SH2D5: variants seen among roughly 807,000 people sequenced by gnomAD.
SH2D5 encodes the protein SH2 domain-containing protein 5.
Under a neutral mutation model 48.2 loss-of-function variants are expected in SH2D5, and 45 were observed. That is an observed-to-expected ratio of 0.93 (90% confidence interval 0.73 to 1.20). The LOEUF (loss-of-function observed/expected upper bound fraction) is 1.20, where lower values mean the gene tolerates loss of function less well. Ranked by LOEUF, SH2D5 falls within the 50% of genes most tolerant of loss-of-function variation. The pLI is 0.00. For synonymous variants in SH2D5, 230 were observed against 249.8 expected (o/e 0.92, Z 0.75); for missense variants, 538 against 584.1 (o/e 0.92, Z 0.81).
chr1:20,725,120 A>G (rs1237813596), intron 5 of SH2D5, among the ~76,000 whole-genome samples: 13 of 152,210 alleles, frequency 8.5e-5, no homozygotes, highest in Admixed American at 8.5e-4. Flanking sequence ...TTGAGGAGTC[A>G]GTGAAATAGA....
In SH2D5 at chr1:20,728,075, C is replaced by T. The variant is rs910061789; in HGVS notation, c.-31G>A. On this transcript the variant is annotated 5_prime_UTR_variant, in exon 2 of 10. In the 5' UTR this introduces an upstream ATG that the reference lacks. Transcript: ENST00000444387. This position sits in a 1 kb window ranked among gnomAD's most constrained non-coding sequence, Gnocchi z 4.3. ...CCAGGGTGCCTGGCTTCCAGCTCCA[C>T]GGGAGGGGAGGCTGCAAAGGGCAGG... The T allele has an allele frequency of 9.5e-6, 14 of 1,479,582 alleles. No individual in the cohort carries two copies. Among genetic ancestry groups the T allele is most frequent in the Middle Eastern group, 1.8e-4 (1 of 5,508 alleles). The allele number at this position is 1,479,582 out of a possible 1,614,324, so 91.7% of individuals were successfully genotyped here.
intron 1 of SH2D5, among the ~76,000 whole-genome samples, chr1:20,731,784 C>G (rs990162986): frequency 2.0e-5 from 3 of 152,224 alleles, no homozygotes; most frequent in African/African-American, 7.2e-5. Context: ...GCTGCGCTAC[C>G]TCGCTCGGGG....
intron 4 of SH2D5, among the ~76,000 whole-genome samples, chr1:20,726,699 G>A (rs963792951): frequency 2.0e-5 from 3 of 152,148 alleles, no homozygotes; most frequent in Admixed American, 2.0e-4. Context: ...CAGCCAGGGC[G>A]GGGCAGGGCA....
Position 20,729,345 on chromosome 1 carries a change from C to T in SH2D5, c.-42-1259G>A, listed in dbSNP as rs2154538693. ...TGGCTTCACTCACCAGCCTGCTTGT[C>T]ATCACTGACTTGGGATCAGAGAGTC... On this transcript the variant is annotated intron_variant, in intron 1 of 9. Transcript: ENST00000444387. This position sits in a 1 kb window ranked among gnomAD's most constrained non-coding sequence, Gnocchi z 4.2. Among the ~76,000 whole-genome samples the T allele has an allele frequency of 6.6e-6, 1 of 152,352 alleles. No homozygotes were observed. The highest frequency in any genetic ancestry group is 2.1e-4 in the South Asian group (1 of 4,834).
intron 1 of SH2D5, chr1:20,730,996 G>C (rs1374966379): frequency 1.3e-5 from 2 of 152,412 alleles, no homozygotes; most frequent in African/African-American, 4.8e-5. Context: ...TGGCTCAGAG[G>C]AGTGAAGTCA....
chr1:20,723,504 G>A (rs776927378), intron 8 of SH2D5, 122 bp downstream of exon 8: 3 of 692,244 alleles, frequency 4.3e-6, no homozygotes, highest in Non-Finnish European at 7.4e-6. Context: ...CAGGCCTGAG[G>A]TCACTGAGGT....
rs1036238873 is a variant in SH2D5 at position 20,729,842 on chromosome 1, GA to G, written c.-42-1757del. Among the ~76,000 whole-genome samples, 6 of 152,098 alleles carry G rather than the reference GA, an allele frequency of 3.9e-5. No homozygotes were observed. The highest frequency in any genetic ancestry group is 2.6e-4 in the Admixed American group (4 of 15,264). Reference sequence around the variant, plus strand: ...ACTTTCAGTGAGCAGCCAGGAGCCAGAAAAAAAATGCTGCACCTGCACCATC... The same window carrying G: ...ACTTTCAGTGAGCAGCCAGGAGCCAGAAAAAAATGCTGCACCTGCACCATC... On this transcript the variant is annotated intron_variant, in intron 1 of 9. Coordinates refer to ENST00000444387, the MANE Select transcript of SH2D5 (RefSeq NM_001103161.2). The surrounding 1 kb of genome is among the most constrained non-coding windows in gnomAD (Gnocchi z 4.2).
chr1:20,728,037 T>A lies in SH2D5; in HGVS notation c.8A>T (p.Lys3Met). 6.5e-7 allele frequency: 1 copy of A among 1,546,904 alleles called. No homozygotes were observed. Among genetic ancestry groups the A allele is most frequent in the South Asian group, 1.2e-5 (1 of 84,156 alleles). ...GGCCCTGCGGCCCCCAGCCCCCGCC[T>A]TCTGCATGGCCCCCAGGGTGCCTGG... MQ[K>M]AGAGGRRASD... The change falls in exon 2 of 10, where the codon AAG becomes ATG. Residue 3 changes from lysine to methionine, a missense_variant. Lys to Met is a moderately conservative substitution (Grantham distance 95, BLOSUM62 -1). Coordinates refer to ENST00000444387, the MANE Select transcript of SH2D5 (RefSeq NM_001103161.2). The surrounding 1 kb of genome is among the most constrained non-coding windows in gnomAD (Gnocchi z 4.3).
intron 1 of SH2D5, among the ~76,000 whole-genome samples, chr1:20,731,817 C>T (rs973814194): frequency 2.0e-5 from 3 of 152,040 alleles, no homozygotes; most frequent in Admixed American, 2.0e-4. Flanking sequence ...CGGCCAGGGG[C>T]CCCGGCAGAG....
chr1:20,732,417 C>A lies in SH2D5; in HGVS notation c.-279G>T, dbSNP rs1255092016. ...TCTCTGGCTGGCTCCTCCGCGTCAT[C>A]CGAGCCGCGGCTACCGCACCGCCTC... is the stretch of plus-strand genomic sequence containing the variant. On this transcript the variant is annotated 5_prime_UTR_variant, in exon 1 of 10. Transcript: ENST00000444387. This position sits in a 1 kb window ranked among gnomAD's most constrained non-coding sequence, Gnocchi z 5.1. 6.6e-6 allele frequency: 1 copy of A among 152,616 alleles called. No homozygotes were observed. Among genetic ancestry groups the A allele is most frequent in the Non-Finnish European group, 1.5e-5 (1 of 68,370 alleles). The allele number at this position is 152,616 out of a possible 1,614,324, so 9.5% of individuals were successfully genotyped here.
chr1:20,725,710 C>A (rs920248381), intron 5 of SH2D5, among the ~76,000 whole-genome samples: 1 of 152,212 alleles, frequency 6.6e-6, no homozygotes, highest in Non-Finnish European at 1.5e-5. Context: ...GCCAGATTCC[C>A]GCCCCTGGGC....
rs1397622904 is a variant in SH2D5, at chr1:20,725,985, G to A, written c.325C>T (p.Arg109Ter). Residue 109 changes from arginine to a stop codon, truncating the protein, a stop_gained, in exon 5 of 10, where the codon CGA becomes TGA. Transcript: ENST00000444387. LOFTEE classifies it high-confidence loss of function. ...PADCQFAFMA[R>*]NPRSPASKLF... Reference sequence around the variant, plus strand: ...TTGCTGGCTGGGCTCCGTGGGTTTCGAGCCATGAAGGCAAACTGGCAGTCG... The same window carrying A: ...TTGCTGGCTGGGCTCCGTGGGTTTCAAGCCATGAAGGCAAACTGGCAGTCG... 1.2e-5 allele frequency: 20 copies of A among 1,613,220 alleles called. No homozygotes were observed. Among genetic ancestry groups the A allele is most frequent in the African/African-American group, 4.0e-5 (3 of 74,930 alleles).
Position 20,722,774 on chromosome 1 carries a change from C to A in SH2D5, c.1050G>T (p.Leu350=). Residue 350 remains leucine, a synonymous_variant, in exon 9 of 10, where the codon CTG becomes CTT. Coordinates refer to ENST00000444387, the MANE Select transcript of SH2D5 (RefSeq NM_001103161.2). The part of the protein sequence containing the change: ...VVPHQVFRNH[L]GRYCLEHLPA... ...CTCTTACCTCCAAGCAGTAGCGGCC[C>A]AGGTGGTTCCGGAAGACCTGGTGGG... 6.4e-7 allele frequency: 1 copy of A among 1,553,714 alleles called. No homozygotes were observed. The highest frequency in any genetic ancestry group is 8.7e-7 in the Non-Finnish European group (1 of 1,147,810).
At chr1:20,725,506 G>A (rs1298490859) in intron 5 of SH2D5, among the ~76,000 whole-genome samples, 1 of 152,190 alleles carries the variant, frequency 6.6e-6, no homozygotes, top group Non-Finnish European at 1.5e-5. Flanking sequence ...TAGGGCAGAC[G>A]ATGGTAGCGT....
rs564460572 is a variant in SH2D5, at chr1:20,728,059, C to T, written c.-15G>A. 3.9e-5 allele frequency: 59 copies of T among 1,526,100 alleles called. No individual in the cohort carries two copies. Among genetic ancestry groups the T allele is most frequent in the Non-Finnish European group, 5.1e-5 (58 of 1,131,320 alleles). 94.5% of individuals were successfully genotyped at this position (1,526,100 alleles called of 1,614,324 possible). A position where few individuals can be genotyped will look rare whatever the true frequency, so the allele number is the denominator to read the frequency against. On this transcript the variant is annotated 5_prime_UTR_variant, in exon 2 of 10. Transcript: ENST00000444387. This position sits in a 1 kb window ranked among gnomAD's most constrained non-coding sequence, Gnocchi z 4.3. The stretch of plus-strand genomic sequence containing the variant: ...GCCTTCTGCATGGCCCCCAGGGTGC[C>T]TGGCTTCCAGCTCCACGGGAGGGGA...
rs1158015018 is a variant in SH2D5 at position 20,728,812 on chromosome 1, C to T, written c.-42-726G>A. Among the ~76,000 whole-genome samples the T allele has an allele frequency of 6.6e-6, 1 of 152,190 alleles. No individual in the cohort carries two copies. Among genetic ancestry groups the T allele is most frequent in the African/African-American group, 2.4e-5 (1 of 41,434 alleles). On this transcript the variant is annotated intron_variant, in intron 1 of 9. Coordinates refer to ENST00000444387, the MANE Select transcript of SH2D5 (RefSeq NM_001103161.2). The surrounding 1 kb of genome is among the most constrained non-coding windows in gnomAD (Gnocchi z 4.3). ...GTTCTAGGGCAGGAGCTCTGTAGTT[C>T]ATGAAGGTGGCTGCAAGCTGGATGG...
chr1:20,720,692 C>G lies in SH2D5; in HGVS notation c.*1100G>C, dbSNP rs927140217. The G allele has an allele frequency of 1.3e-5, 2 of 152,286 alleles. No homozygotes were observed. The highest frequency in any genetic ancestry group is 4.8e-5 in the African/African-American group (2 of 41,480). The allele number at this position is 152,286 out of a possible 1,614,324, so 9.4% of individuals were successfully genotyped here. ...ACTGCCTCACACTAGAGTCGTTTCC[C>G]TGGGTCTCCCATGGCCCGCTGAGGC... On this transcript the variant is annotated 3_prime_UTR_variant, in exon 10 of 10. Transcript: ENST00000444387.
chr1:20,724,690 G>A, intron 5 of SH2D5, 55 bp from the exon 6 acceptor site: 1 of 1,471,280 alleles, frequency 6.8e-7, no homozygotes, highest in Non-Finnish European at 9.0e-7. Flanking sequence ...ATCTCCCAGT[G>A]AACTCCCTGG....
chr1:20,726,940 T>C, intron 4 of SH2D5, 61 bp downstream of exon 4: 2 of 1,422,050 alleles, frequency 1.4e-6, no homozygotes, highest in African/African-American at 1.4e-5. Context: ...GGAGAGCGCA[T>C]CCTGAGGGTG....
Sources: gnomAD v4.1 joint callset for allele counts (sites outside exome capture counted in the v4.1 genomes callset) on GRCh38, gnomAD v4.1.1 for gene constraint, Gnocchi (gnomAD v3.1) non-coding constraint, MANE v1.5 for transcripts, NCBI Gene and HGNC (gene_info 2026-07-23, HGNC 2026-07-21) for gene names.